The following TCF4 variants were observed in gnomAD, a reference collection of about 807,000 sequenced individuals.
The protein encoded by TCF4 is transcription factor 4, also known as SL3-3 enhancer factor 2.
A neutral mutation model predicts 82.1 loss-of-function variants in TCF4; 3 were observed. The ratio of observed to expected loss-of-function variants is 0.04; its 90% CI spans 0.02 to 0.09. The LOEUF is 0.09. Ranked by LOEUF, TCF4 falls within the 10% of genes least tolerant of loss-of-function variation. The pLI is 1.00. For missense variants in TCF4, 518 were observed against 852.7 expected, an observed-to-expected ratio of 0.61 and a Z score of 4.89; for synonymous variants, 276 against 309.6, an observed-to-expected ratio of 0.89 and a Z score of 1.14.
At chr18:55,517,715 T>C (rs1185749949) in intron 3 of TCF4, among the ~76,000 whole-genome samples, 2 of 151,912 alleles carry the variant, frequency 1.3e-5, no homozygotes, top group Non-Finnish European at 2.9e-5. Context: ...AGAAAGTAAA[T>C]CAAATGTAAA....
intron 3 of TCF4, among the ~76,000 whole-genome samples, chr18:55,474,356 A>T (rs1201794097): frequency 6.6e-6 from 1 of 152,232 alleles, no homozygotes; most frequent in East Asian, 1.9e-4. Flanking sequence ...GTACGAAAAA[A>T]ATATTAAGTC....
At chr18:55,276,514 T>C (rs1399965086) in intron 9 of TCF4, among the ~76,000 whole-genome samples, 1 of 152,196 alleles carries the variant, frequency 6.6e-6, no homozygotes, top group Non-Finnish European at 1.5e-5. Flanking sequence ...TAACCTTTTG[T>C]TAACATTCTT....
At chr18:55,391,142 T>C (rs746225912) in intron 6 of TCF4, among the ~76,000 whole-genome samples, 1 of 152,230 alleles carries the variant, frequency 6.6e-6, no homozygotes, top group Non-Finnish European at 1.5e-5. Flanking sequence ...ACTGATGTTG[T>C]ATTGTACCAG....
chr18:55,587,857 G>A (rs1263603238), intron 1 of TCF4, among the ~76,000 whole-genome samples, 181 bp downstream of exon 1: 1 of 148,714 alleles, frequency 6.7e-6, no homozygotes, highest in Non-Finnish European at 1.5e-5. Context: ...GGGAGGGGCG[G>A]GGGGGCTGGC....
chr18:55,497,049 T>C (rs1466874126), intron 3 of TCF4, among the ~76,000 whole-genome samples: 1 of 152,162 alleles, frequency 6.6e-6, no homozygotes, highest in Admixed American at 6.5e-5. Flanking sequence ...ATATTTCCAC[T>C]GGGAGCAAAT....
chr18:55,453,912 T>C (rs1448337720), intron 5 of TCF4, among the ~76,000 whole-genome samples: 1 of 151,918 alleles, frequency 6.6e-6, no homozygotes, highest in Non-Finnish European at 1.5e-5. Context: ...GGAGTGCAAG[T>C]GCAGTGGCAC....
intron 3 of TCF4, among the ~76,000 whole-genome samples, chr18:55,521,608 T>A (rs2096934089): frequency 6.6e-6 from 1 of 152,238 alleles, no homozygotes; most frequent in South Asian, 2.1e-4. Context: ...AGTTGACTGA[T>A]AAAGGCCATG....
chr18:55,468,884 C>G (rs375687611), intron 3 of TCF4, among the ~76,000 whole-genome samples: 7 of 94,662 alleles, frequency 7.4e-5, no homozygotes, highest in African/African-American at 2.1e-4. Flanking sequence ...AGTTCTCGCC[C>G]CCCCCCCCCT....
At chr18:55,242,661 G>A (rs1045724853) in intron 15 of TCF4, among the ~76,000 whole-genome samples, 3 of 150,932 alleles carry the variant, frequency 2.0e-5, no homozygotes, top group Admixed American at 6.6e-5. Flanking sequence ...CCAGAAAGGA[G>A]TGCAGTGGCA....
At chr18:55,530,570 GA>G (rs397956349) in intron 3 of TCF4, among the ~76,000 whole-genome samples, 1 of 121,862 alleles carries the variant, frequency 8.2e-6, no homozygotes, top group Non-Finnish European at 1.7e-5. Context: ...AAGGGGGGGG[GA>G]AACAGCTAAG....
At chr18:55,619,893 G>A (rs2097715944) in intron 2 of TCF4, among the ~76,000 whole-genome samples, 1 of 152,000 alleles carries the variant, frequency 6.6e-6, no homozygotes, top group Admixed American at 6.6e-5. Context: ...GATCCTGGAG[G>A]ATTCATATGG....
intron 8 of TCF4, among the ~76,000 whole-genome samples, chr18:55,323,305 A>G (rs762277516): frequency 5.3e-5 from 8 of 152,196 alleles, no homozygotes; most frequent in Non-Finnish European, 1.0e-4. Flanking sequence ...TCTATTCTCA[A>G]GAATCAACTT....
intron 5 of TCF4, among the ~76,000 whole-genome samples, chr18:55,456,707 T>G (rs972447903): frequency 6.6e-6 from 1 of 152,204 alleles, no homozygotes; most frequent in African/African-American, 2.4e-5. Context: ...AAAAAAGTTT[T>G]TTTTAATGTC....
chr18:55,407,094 G>C (rs181919864), intron 5 of TCF4, among the ~76,000 whole-genome samples: 2 of 151,954 alleles, frequency 1.3e-5, no homozygotes, highest in African/African-American at 4.8e-5. Flanking sequence ...GGGGCGGGGG[G>C]AGATTCTGAA....
At chr18:55,635,031 G>T (rs2148010371) in intron 1 of TCF4, among the ~76,000 whole-genome samples, 1 of 152,290 alleles carries the variant, frequency 6.6e-6, no homozygotes, top group East Asian at 1.9e-4. Context: ...ACATGAGAGT[G>T]GTTAGGGCTG....
At chr18:55,528,616 C>T (rs2097020687) in intron 3 of TCF4, among the ~76,000 whole-genome samples, 1 of 152,132 alleles carries the variant, frequency 6.6e-6, no homozygotes, top group African/African-American at 2.4e-5. Flanking sequence ...AGCTAATGTT[C>T]AGAATCCACA....
intron 3 of TCF4, among the ~76,000 whole-genome samples, chr18:55,563,841 T>C (rs1469556803): frequency 2.0e-5 from 3 of 152,214 alleles, no homozygotes; most frequent in South Asian, 4.1e-4. Flanking sequence ...GCAAAAATTA[T>C]AATATCATCA....
At chr18:55,243,889 C>A (rs1183818544) in intron 15 of TCF4, among the ~76,000 whole-genome samples, 1 of 152,102 alleles carries the variant, frequency 6.6e-6, no homozygotes, top group Admixed American at 6.5e-5. Flanking sequence ...CTTTTCTGTT[C>A]TATTTAATGG....
intron 5 of TCF4, among the ~76,000 whole-genome samples, chr18:55,453,662 A>G (rs2095671600): frequency 6.6e-6 from 1 of 152,170 alleles, no homozygotes. Context: ...GCTGTGCTAT[A>G]TCACAGAGTA....
Sources: gnomAD v4.1 joint callset for allele counts (sites outside exome capture counted in the v4.1 genomes callset) on GRCh38, gnomAD v4.1.1 for gene constraint, MANE v1.5 for transcripts, NCBI Gene and HGNC (gene_info 2026-07-23, HGNC 2026-07-21) for gene names.